The following NAV2 variants were observed in gnomAD, a reference collection of about 807,000 sequenced individuals.
NAV2 encodes helicase, APC down-regulated 1.
NAV2 carries 54 observed loss-of-function variants against 223.2 expected under a neutral mutation model. That is an observed-to-expected ratio of 0.24 (90% CI 0.19 to 0.30). NAV2 has a LOEUF of 0.30. Among genes scored for constraint, NAV2 ranks in the 10% least tolerant of loss-of-function variants. The pLI is 1.00. For synonymous variants in NAV2, 1,279 were observed against 1,239.3 expected, an observed-to-expected ratio of 1.03 and a Z score of -0.67; for missense variants, 2,806 against 3,147.5, an observed-to-expected ratio of 0.89 and a Z score of 2.60.
chr11:19,542,314 T>C (rs1439085148), intron 1 of NAV2, among the ~76,000 whole-genome samples: 7 of 152,230 alleles, frequency 4.6e-5, no homozygotes, highest in Admixed American at 6.5e-5. Flanking sequence ...ATCTTCATAA[T>C]AACCCTCTAG....
chr11:19,977,265 A>C (rs995051313), intron 10 of NAV2, among the ~76,000 whole-genome samples: 6 of 152,204 alleles, frequency 3.9e-5, no homozygotes, highest in Non-Finnish European at 8.8e-5. Flanking sequence ...CTTGTTTCTT[A>C]ACTGTGTGGA....
At position 20,121,260 on chromosome 11, in the gene NAV2, T is replaced by C. The variant is rs1257616920; in HGVS notation, c.*3002T>C. On this transcript the variant is annotated 3_prime_UTR_variant, in exon 38 of 38. Transcript: ENST00000349880. Reference sequence around the variant, plus strand: ...ATCTAGTTGTTTCCAGTGGAGCAGTTTTATGAAATATGTTCTATAAGATGT... The same window carrying C: ...ATCTAGTTGTTTCCAGTGGAGCAGTCTTATGAAATATGTTCTATAAGATGT... The C allele has an allele frequency of 6.6e-6, 1 of 152,652 alleles. No homozygotes were observed. Among genetic ancestry groups the C allele is most frequent in the Non-Finnish European group, 1.5e-5 (1 of 68,030 alleles). 9.5% of individuals were successfully genotyped at this position (152,652 alleles called of 1,614,324 possible).
intron 4 of NAV2, among the ~76,000 whole-genome samples, chr11:19,871,370 G>A (rs1234719077): frequency 6.6e-6 from 1 of 152,152 alleles, no homozygotes; most frequent in African/African-American, 2.4e-5. Flanking sequence ...GAGAGATGGG[G>A]GCATGCCGGC....
At chr11:19,489,557 C>A (rs1432271007) in intron 1 of NAV2, among the ~76,000 whole-genome samples, 1 of 152,134 alleles carries the variant, frequency 6.6e-6, no homozygotes, top group Non-Finnish European at 1.5e-5. Flanking sequence ...CTTACAGGAG[C>A]ACATCTTGTG....
intron 1 of NAV2, among the ~76,000 whole-genome samples, chr11:19,573,790 G>A (rs1157889809): frequency 6.6e-6 from 1 of 152,174 alleles, no homozygotes; most frequent in African/African-American, 2.4e-5. Flanking sequence ...TGGTTTCTGA[G>A]CTGGCTGCTT....
At chr11:19,996,928 T>C (rs1195849822) in intron 11 of NAV2, among the ~76,000 whole-genome samples, 1 of 152,146 alleles carries the variant, frequency 6.6e-6, no homozygotes, top group African/African-American at 2.4e-5. Flanking sequence ...CATGGCTCAG[T>C]GGGCTCAAAC....
At chr11:19,581,248 T>A (rs936413304) in intron 1 of NAV2, among the ~76,000 whole-genome samples, 1 of 152,242 alleles carries the variant, frequency 6.6e-6, no homozygotes, top group African/African-American at 2.4e-5. Context: ...ATTCTTAGCA[T>A]AAGTTCTTGG....
intron 1 of NAV2, among the ~76,000 whole-genome samples, chr11:19,638,199 CA>C (rs1270835997): frequency 1.3e-5 from 2 of 152,288 alleles, no homozygotes; most frequent in East Asian, 3.9e-4. Context: ...CAGGAGTGAG[CA>C]CCCGATAAAG....
intron 1 of NAV2, among the ~76,000 whole-genome samples, chr11:19,458,438 C>T (rs1438092573): frequency 6.6e-6 from 1 of 152,236 alleles, no homozygotes; most frequent in Non-Finnish European, 1.5e-5. Flanking sequence ...ATGATAAAGT[C>T]TAGCCATGCA....
intron 1 of NAV2, among the ~76,000 whole-genome samples, chr11:19,487,446 C>A (rs2042480784): frequency 1.3e-5 from 2 of 152,146 alleles, no homozygotes; most frequent in Admixed American, 6.5e-5. Flanking sequence ...AACTTGCTTC[C>A]ATATGAGGAA....
At chr11:19,626,132 C>T (rs966730966) in intron 1 of NAV2, among the ~76,000 whole-genome samples, 2 of 152,070 alleles carry the variant, frequency 1.3e-5, no homozygotes, top group African/African-American at 4.8e-5. Context: ...TGAAGCATTT[C>T]CCTTATATTT....
chr11:19,680,505 A>T, intron 1 of NAV2, among the ~76,000 whole-genome samples: 1 of 152,156 alleles, frequency 6.6e-6, no homozygotes, highest in Non-Finnish European at 1.5e-5. Context: ...ACTGTAGGAC[A>T]CACCCCTCAC....
intron 1 of NAV2, among the ~76,000 whole-genome samples, chr11:19,703,887 T>G (rs1359165441): frequency 1.3e-5 from 2 of 152,164 alleles, no homozygotes; most frequent in Admixed American, 1.3e-4. Flanking sequence ...CAGCCTTAGT[T>G]TGTGGATTTC....
intron 1 of NAV2, among the ~76,000 whole-genome samples, chr11:19,460,564 C>A (rs532433052): frequency 6.7e-6 from 1 of 150,332 alleles, no homozygotes; most frequent in South Asian, 2.1e-4. Context: ...AAACCAAACA[C>A]CGCATGTTCT....
intron 1 of NAV2, among the ~76,000 whole-genome samples, chr11:19,679,270 A>T (rs932228243): frequency 6.6e-6 from 1 of 152,054 alleles, no homozygotes; most frequent in Admixed American, 6.5e-5. Context: ...ATCTCTACTA[A>T]AAATACAAAA....
At chr11:19,561,944 T>C (rs1293343372) in intron 1 of NAV2, among the ~76,000 whole-genome samples, 1 of 152,192 alleles carries the variant, frequency 6.6e-6, no homozygotes, top group Non-Finnish European at 1.5e-5. Context: ...GGCTGAGGTC[T>C]CCAACATTTT....
intron 7 of NAV2, among the ~76,000 whole-genome samples, 169 bp downstream of exon 7, chr11:19,934,446 A>G (rs1397698035): frequency 1.3e-5 from 2 of 152,218 alleles, no homozygotes; most frequent in Non-Finnish European, 2.9e-5. Context: ...AATGTGCTCC[A>G]GGGAGCAGTT....
At chr11:19,754,323 A>G (rs972436836) in intron 1 of NAV2, among the ~76,000 whole-genome samples, 1 of 152,182 alleles carries the variant, frequency 6.6e-6, no homozygotes, top group African/African-American at 2.4e-5. Flanking sequence ...TTACATGGGA[A>G]CACACTGCAC....
intron 1 of NAV2, among the ~76,000 whole-genome samples, chr11:19,661,020 C>A (rs972975413): frequency 1.3e-5 from 2 of 152,074 alleles, no homozygotes; most frequent in Non-Finnish European, 2.9e-5. Context: ...TGTCGTGCAA[C>A]CATCTCTACC....
Sources: gnomAD v4.1 joint callset for allele counts (sites outside exome capture counted in the v4.1 genomes callset) on GRCh38, gnomAD v4.1.1 for gene constraint, MANE v1.5 for transcripts, NCBI Gene and HGNC (gene_info 2026-07-23, HGNC 2026-07-21) for gene names.